MSI2: variants seen among roughly 807,000 people sequenced by gnomAD.
MSI2 encodes musashi RNA binding protein 2.
A neutral mutation model predicts 45.6 loss-of-function variants in MSI2; 17 were observed. That is an observed-to-expected ratio of 0.37 (90% CI 0.26 to 0.56). The LOEUF (loss-of-function observed/expected upper bound fraction) is 0.56, where lower values mean the gene tolerates loss of function less well. MSI2 is among the 20% of genes least tolerant of loss of function. The probability of loss-of-function intolerance (pLI) is 0.77; values close to 1 mark genes in which losing one functional copy is unlikely to be tolerated. For missense variants in MSI2, 293 were observed against 444.2 expected (o/e 0.66, Z 3.06); for synonymous variants, 156 against 158.2 (o/e 0.99, Z 0.11).
chr17:57,395,646 G>A lies in MSI2; in HGVS notation c.313-5733G>A, dbSNP rs116600922. ...CTTGGGGAATGGAGTCTTGGTGTTC[G>A]GGAGTTCTGTGATCTCAGGCAGCCC... is the stretch of plus-strand genomic sequence containing the variant. On this transcript the variant is annotated intron_variant, in intron 5 of 13. Coordinates refer to ENST00000284073, the MANE Select transcript of MSI2 (RefSeq NM_138962.4). 2.9e-3 allele frequency among the ~76,000 whole-genome samples: 435 copies of A among 152,236 alleles called. 3 individuals carry two copies. Among genetic ancestry groups the A allele is most frequent in the African/African-American group, 1.0e-2 (414 of 41,532 alleles).
intron 6 of MSI2, among the ~76,000 whole-genome samples, chr17:57,410,025 A>AAAAAAAAAAT (rs2084164914): frequency 6.7e-6 from 1 of 148,898 alleles, no homozygotes; most frequent in African/African-American, 2.5e-5. Context: ...AAAAAAAAAA[A>AAAAAAAAAAT]TGGGGAGTAT....
intron 12 of MSI2, among the ~76,000 whole-genome samples, chr17:57,676,243 C>T (rs772637872): frequency 6.6e-5 from 10 of 152,150 alleles, no homozygotes; most frequent in Non-Finnish European, 1.2e-4. Flanking sequence ...CGCATGCATG[C>T]ACACACGCAC....
intron 5 of MSI2, among the ~76,000 whole-genome samples, chr17:57,333,440 C>CTTTT (rs1567762862): frequency 2.0e-5 from 3 of 147,452 alleles, no homozygotes; most frequent in Non-Finnish European, 1.5e-5. Context: ...TGATTTGTAC[C>CTTTT]GTTTTTTTTT....
In MSI2 at chr17:57,549,947, C is replaced by T. The variant is rs567118499; in HGVS notation, c.454+20223C>T. 8.1e-4 allele frequency among the ~76,000 whole-genome samples: 123 copies of T among 152,246 alleles called. 1 individual carries two copies. The highest frequency in any genetic ancestry group is 1.5e-3 in the Non-Finnish European group (100 of 68,012). On this transcript the variant is annotated intron_variant, in intron 7 of 13. Coordinates refer to ENST00000284073, the MANE Select transcript of MSI2 (RefSeq NM_138962.4). ...CTGACTGCAGGGAGGTCAGTTGAGA[C>T]CCTGGACAGGCATCCAAGCATTTGG...
At chr17:57,467,338 G>A (rs1300073356) in intron 6 of MSI2, among the ~76,000 whole-genome samples, 5 of 152,122 alleles carry the variant, frequency 3.3e-5, no homozygotes, top group Non-Finnish European at 7.3e-5. Context: ...ATGGAAAAAA[G>A]GAAGAAGTGT....
At chr17:57,560,302 T>C (rs901703377) in intron 7 of MSI2, among the ~76,000 whole-genome samples, 2 of 152,088 alleles carry the variant, frequency 1.3e-5, no homozygotes, top group Non-Finnish European at 2.9e-5. Context: ...GGGGGAGAGT[T>C]TGGAGGCGCT....
At chr17:57,321,744 G>C (rs531144754) in intron 5 of MSI2, among the ~76,000 whole-genome samples, 2 of 152,154 alleles carry the variant, frequency 1.3e-5, no homozygotes, top group Non-Finnish European at 2.9e-5. Context: ...TTGGGAAACA[G>C]CCTCCAAAGA....
intron 11 of MSI2, among the ~76,000 whole-genome samples, chr17:57,670,944 G>A (rs1279054909): frequency 6.6e-6 from 1 of 152,144 alleles, no homozygotes; most frequent in East Asian, 1.9e-4. Flanking sequence ...TACAGATGAG[G>A]ACTTGGGCTT....
At chr17:57,659,337 C>A (rs1440084606) in intron 11 of MSI2, among the ~76,000 whole-genome samples, 1 of 151,958 alleles carries the variant, frequency 6.6e-6, no homozygotes, top group African/African-American at 2.4e-5. Flanking sequence ...CTGAAATGAT[C>A]CTCCTACCTT....
At chr17:57,527,418 G>A (rs1170692959) in intron 6 of MSI2, among the ~76,000 whole-genome samples, 3 of 152,140 alleles carry the variant, frequency 2.0e-5, no homozygotes, top group Non-Finnish European at 4.4e-5. Context: ...TGTGGTGCAC[G>A]GGAGGTGGAA....
At chr17:57,698,350 C>T in the MSI2 span, among the ~76,000 whole-genome samples, 22 of 152,222 alleles carry the variant, frequency 1.4e-4, no homozygotes, top group Non-Finnish European at 2.2e-4. Flanking sequence ...TGTGCCCGCA[C>T]GCTGTGGGGC....
At chr17:57,483,124 A>G (rs895322053) in intron 6 of MSI2, among the ~76,000 whole-genome samples, 1 of 152,212 alleles carries the variant, frequency 6.6e-6, no homozygotes, top group African/African-American at 2.4e-5. Flanking sequence ...GATAATAAGT[A>G]TTAGTGTTGT....
intron 5 of MSI2, among the ~76,000 whole-genome samples, chr17:57,372,216 G>A (rs949782221): frequency 3.3e-5 from 5 of 152,186 alleles, no homozygotes; most frequent in Non-Finnish European, 7.3e-5. Context: ...GTTTGGCAAA[G>A]CTCTCTCTTT....
chr17:57,573,611 G>A (rs1598412228), intron 7 of MSI2, among the ~76,000 whole-genome samples: 1 of 152,172 alleles, frequency 6.6e-6, no homozygotes, highest in Non-Finnish European at 1.5e-5. Flanking sequence ...GAGTTCCTGG[G>A]CCACCACATT....
intron 5 of MSI2, among the ~76,000 whole-genome samples, chr17:57,354,148 T>G (rs1207693715): frequency 6.6e-6 from 1 of 152,232 alleles, no homozygotes; most frequent in Non-Finnish European, 1.5e-5. Context: ...AAGTCAGTTA[T>G]AGATGTTTGT....
In MSI2 at chr17:57,682,325, C is replaced by CG. The variant is rs1018369319; in HGVS notation, c.*2808_*2809insG. 3 of 170,780 alleles carry CG rather than the reference C, an allele frequency of 1.8e-5. No individual in the cohort carries two copies. The highest frequency in any genetic ancestry group is 2.5e-5 in the Non-Finnish European group (2 of 80,500). The allele number at this position is 170,780 out of a possible 1,614,324, so 10.6% of individuals were successfully genotyped here. ...CTACGGCGTTTTGTAGATCCCCCCCCCCCCACCCACTGTGAAGGGGTGCCA... is the reference window on the plus strand; with the variant it reads ...CTACGGCGTTTTGTAGATCCCCCCCCGCCCCACCCACTGTGAAGGGGTGCCA... On this transcript the variant is annotated 3_prime_UTR_variant, in exon 14 of 14. Transcript: ENST00000284073.
rs58878870 is a variant in MSI2 at position 57,293,546 on chromosome 17, A to G, written c.312+31354A>G. On this transcript the variant is annotated intron_variant, in intron 5 of 13. Coordinates refer to ENST00000284073, the MANE Select transcript of MSI2 (RefSeq NM_138962.4). ...GTATCTGATCATAATTTTTTCCTGG[A>G]TATATAGCACATCCTCTGAATATGT... 2.9e-4 allele frequency among the ~76,000 whole-genome samples: 43 copies of G among 150,512 alleles called. 1 individual carries two copies. In the East Asian group the frequency reaches 8.4e-3, roughly 29 times the overall value.
chr17:57,320,630 C>T (rs1002539691), intron 5 of MSI2, among the ~76,000 whole-genome samples: 2 of 152,104 alleles, frequency 1.3e-5, no homozygotes, highest in African/African-American at 4.8e-5. Flanking sequence ...CTGAGTGATG[C>T]CCAAAGGGGA....
intron 9 of MSI2, among the ~76,000 whole-genome samples, chr17:57,617,800 G>A (rs1382091168): frequency 6.6e-6 from 1 of 152,150 alleles, no homozygotes; most frequent in African/African-American, 2.4e-5. Flanking sequence ...GCTGGGCATG[G>A]TGGCTCATGC....
Sources: gnomAD v4.1 joint callset for allele counts (sites outside exome capture counted in the v4.1 genomes callset) on GRCh38, gnomAD v4.1.1 for gene constraint, MANE v1.5 for transcripts, NCBI Gene and HGNC (gene_info 2026-07-23, HGNC 2026-07-21) for gene names.